Variants in MAP7 observed in about 807,000 individuals in gnomAD.
MAP7 encodes microtubule associated protein 7, also known as ensconsin.
Under a neutral mutation model 94.8 loss-of-function variants are expected in MAP7, and 52 were observed. That is an observed-to-expected ratio of 0.55 (90% CI 0.44 to 0.69). The LOEUF (loss-of-function observed/expected upper bound fraction) is 0.69. MAP7 is among the 30% of genes least tolerant of loss of function. The probability of loss-of-function intolerance (pLI) is 0.00; values close to 1 mark genes in which losing one functional copy is unlikely to be tolerated. For synonymous variants in MAP7, 350 were observed against 357.0 expected (o/e 0.98, Z 0.22); for missense variants, 940 against 964.6 (o/e 0.97, Z 0.34).
intron 1 of MAP7, among the ~76,000 whole-genome samples, chr6:136,496,463 CT>C (rs1201324877): frequency 6.6e-6 from 1 of 151,186 alleles, no homozygotes; most frequent in African/African-American, 2.5e-5. Flanking sequence ...CTCTGGTTCT[CT>C]TTTTCTTTTT....
chr6:136,495,145 T>G (rs1198105934), intron 1 of MAP7, among the ~76,000 whole-genome samples: 1 of 152,186 alleles, frequency 6.6e-6, no homozygotes, highest in African/African-American at 2.4e-5. Flanking sequence ...TCTATCTCCG[T>G]TGAATCTCTA....
At chr6:136,347,799 T>C (rs577150715) in intron 16 of MAP7, among the ~76,000 whole-genome samples, 1 of 152,194 alleles carries the variant, frequency 6.6e-6, no homozygotes, top group Non-Finnish European at 1.5e-5. Flanking sequence ...TTTTTAAAAT[T>C]ATTAAACCTT....
chr6:136,547,107 T>C (rs559916602), intron 1 of MAP7, among the ~76,000 whole-genome samples: 10 of 152,218 alleles, frequency 6.6e-5, no homozygotes, highest in Non-Finnish European at 1.5e-4. Flanking sequence ...AGATATTTAA[T>C]GTGGACCCTT....
At chr6:136,457,120 T>G (rs1273623257) in intron 1 of MAP7, among the ~76,000 whole-genome samples, 2 of 148,066 alleles carry the variant, frequency 1.4e-5, no homozygotes, top group Non-Finnish European at 3.0e-5. Context: ...ATATTATAAC[T>G]GATGCCACAG....
At chr6:136,540,176 T>C (rs1263437500) in intron 1 of MAP7, among the ~76,000 whole-genome samples, 1 of 151,964 alleles carries the variant, frequency 6.6e-6, no homozygotes, top group African/African-American at 2.4e-5. Flanking sequence ...GAAAGAAAGA[T>C]TAGCCTGAAG....
chr6:136,369,850 T>C (rs1423203677), intron 8 of MAP7, among the ~76,000 whole-genome samples: 1 of 152,214 alleles, frequency 6.6e-6, no homozygotes, highest in East Asian at 1.9e-4. Flanking sequence ...TTCATGACAC[T>C]GTGTTTGGTA....
chr6:136,485,024 G>A (rs903408407), intron 1 of MAP7, among the ~76,000 whole-genome samples: 2 of 152,094 alleles, frequency 1.3e-5, no homozygotes, highest in African/African-American at 2.4e-5. Flanking sequence ...GCTGTGAATC[G>A]TAACATTAAT....
At chr6:136,505,039 T>C (rs968028851) in intron 1 of MAP7, among the ~76,000 whole-genome samples, 1 of 152,126 alleles carries the variant, frequency 6.6e-6, no homozygotes, top group African/African-American at 2.4e-5. Context: ...ATTTATTATG[T>C]TGGCCCTCTG....
In MAP7 at chr6:136,365,965, G is replaced by C; in HGVS notation, c.1043C>G (p.Ser348Cys). 6.2e-7 allele frequency: 1 copy of C among 1,613,672 alleles called. No homozygotes were observed. Among genetic ancestry groups the C allele is most frequent in the South Asian group, 1.1e-5 (1 of 91,068 alleles). Residue 348 changes from serine (S) to cysteine (C), a missense_variant, in exon 10 of 18, where the codon TCC (serine) becomes TGC (cysteine). Transcript: ENST00000354570. ...HLPGTPRPTS[S>C]LPPGSVKAAP... ...AGCTTTGACTGAGCCGGGTGGCAAG[G>C]AGGATGTCGGTCTGGGTGTGCCAGG... is the stretch of plus-strand genomic sequence containing the variant.
At chr6:136,394,931 C>CACATATAT (rs1554243129) in intron 3 of MAP7, among the ~76,000 whole-genome samples, 1 of 27,500 alleles carries the variant, frequency 3.6e-5, no homozygotes, top group Admixed American at 4.6e-4. Flanking sequence ...AATATTCCAT[C>CACATATAT]ATATATATAT....
chr6:136,366,411 T>A lies in MAP7; in HGVS notation c.905A>T (p.Asn302Ile), dbSNP rs1454333849. ...GGTGCCAGATGTGAGGAAGAGTACA[T>A]TTTCTCTCTCTCTTTCTTTTTTATA... ...ASYKKERERE[N>I]VLFLTSGTRR... Residue 302 changes from asparagine to isoleucine, a missense_variant, in exon 9 of 18, where the codon AAT becomes ATT. Transcript: ENST00000354570. 1.2e-6 allele frequency: 2 copies of A among 1,613,732 alleles called. No individual in the cohort carries two copies. The highest frequency in any genetic ancestry group is 3.3e-5 in the Admixed American group (2 of 60,030).
chr6:136,507,709 C>T (rs989437452), intron 1 of MAP7, among the ~76,000 whole-genome samples: 1 of 152,138 alleles, frequency 6.6e-6, no homozygotes, highest in African/African-American at 2.4e-5. Flanking sequence ...CAGTTACAAG[C>T]ATGTTTTAGA....
intron 1 of MAP7, among the ~76,000 whole-genome samples, chr6:136,496,777 TAAAAAAAAAAA>T (rs1171059105): frequency 1.1e-4 from 6 of 53,300 alleles, no homozygotes; most frequent in South Asian, 6.9e-4. Context: ...CCGTCTCTAC[TAAAAAAAAAAA>T]AAAAAAAAAA....
chr6:136,456,770 A>AGGAGGAGGAGGAGGAG (rs1464535719), intron 1 of MAP7, among the ~76,000 whole-genome samples: 2 of 49,376 alleles, frequency 4.1e-5, no homozygotes, highest in African/African-American at 2.0e-4. Flanking sequence ...AGGAGGAGGA[A>AGGAGGAGGAGGAGGAG]GAAGAAGAAG....
intron 16 of MAP7, among the ~76,000 whole-genome samples, chr6:136,353,250 G>A (rs1475717144): frequency 2.6e-5 from 4 of 152,166 alleles, no homozygotes; most frequent in Non-Finnish European, 5.9e-5. Flanking sequence ...TCCATTTTCA[G>A]GTGTATTTCA....
intron 1 of MAP7, among the ~76,000 whole-genome samples, chr6:136,448,946 C>A (rs1800182761): frequency 6.6e-6 from 1 of 151,356 alleles, no homozygotes; most frequent in African/African-American, 2.4e-5. Context: ...TCTGTTCCCC[C>A]ACTTAAAGCA....
rs140468674 is a variant in MAP7 at position 136,529,419 on chromosome 6, C to A, written c.67+20923G>T. On this transcript the variant is annotated intron_variant, in intron 1 of 17. Transcript: ENST00000354570. ...AAAGGTTATAAGCCACCGCGCCCAG[C>A]CTCCTGAACTCTTCTCCAGCACTAA... 1.1e-3 allele frequency among the ~76,000 whole-genome samples: 161 copies of A among 152,296 alleles called. 2 individuals carry two copies. The highest frequency in any genetic ancestry group is 3.8e-3 in the African/African-American group (159 of 41,574).
intron 1 of MAP7, among the ~76,000 whole-genome samples, chr6:136,456,313 A>T (rs1802835076): frequency 6.6e-6 from 1 of 152,110 alleles, no homozygotes; most frequent in African/African-American, 2.4e-5. Context: ...ACATGCCAAA[A>T]CTTACGAGAT....
rs540545631 is a variant in MAP7 at position 136,348,256 on chromosome 6, A to G, written c.2016-2177T>C. Among the ~76,000 whole-genome samples the G allele has an allele frequency of 2.0e-3, 301 of 152,272 alleles. 1 individual carries two copies. Among genetic ancestry groups the G allele is most frequent in the African/African-American group, 6.6e-3 (274 of 41,570 alleles). ...TTAACCTGTCACCTTCCAGGCCTGC[A>G]TGTACTAACAAGTCATAATGGCAAT... On this transcript the variant is annotated intron_variant, in intron 16 of 17. Transcript: ENST00000354570.
Sources: gnomAD v4.1 joint callset for allele counts (sites outside exome capture counted in the v4.1 genomes callset) on GRCh38, gnomAD v4.1.1 for gene constraint, MANE v1.5 for transcripts, NCBI Gene and HGNC (gene_info 2026-07-23, HGNC 2026-07-21) for gene names.